Variants in C1QTNF3 observed in about 807,000 individuals in gnomAD.
The protein encoded by C1QTNF3 is C1q and TNF related 3.
In C1QTNF3, 26 loss-of-function variants were observed where a neutral mutation model predicts 32.6. The ratio of observed to expected loss-of-function variants is 0.80; its 90% confidence interval spans 0.58 to 1.11. The LOEUF (loss-of-function observed/expected upper bound fraction) is 1.11, where lower values mean the gene tolerates loss of function less well. Among genes scored for constraint, C1QTNF3 ranks in the 50% least tolerant of loss-of-function variants. The probability of loss-of-function intolerance (pLI) is 0.00; values close to 1 mark genes in which losing one functional copy is unlikely to be tolerated. For synonymous variants in C1QTNF3, 155 were observed against 146.0 expected, an observed-to-expected ratio of 1.06 and a Z score of -0.44; for missense variants, 362 against 398.2, an observed-to-expected ratio of 0.91 and a Z score of 0.77.
the C1QTNF3 span, among the ~76,000 whole-genome samples, chr5:34,240,560 G>C: frequency 6.6e-6 from 1 of 151,324 alleles, no homozygotes; most frequent in Non-Finnish European, 1.5e-5. Context: ...AATCTTCCAA[G>C]ATTGAATCAG....
chr5:34,075,916 C>G, the C1QTNF3 span, among the ~76,000 whole-genome samples: 1 of 150,052 alleles, frequency 6.7e-6, no homozygotes, highest in East Asian at 1.9e-4. Context: ...TACACACACA[C>G]ACGGTGGAAT....
chr5:34,155,467 A>G, the C1QTNF3 span, among the ~76,000 whole-genome samples: 1 of 152,220 alleles, frequency 6.6e-6, no homozygotes, highest in African/African-American at 2.4e-5. Flanking sequence ...GCAGTATTTA[A>G]TTTTAACTAC....
At chr5:34,055,446 C>T in the C1QTNF3 span, among the ~76,000 whole-genome samples, 1 of 152,200 alleles carries the variant, frequency 6.6e-6, no homozygotes, top group Non-Finnish European at 1.5e-5. Context: ...AACAGCCAAT[C>T]AGCACAGATG....
the C1QTNF3 span, among the ~76,000 whole-genome samples, chr5:34,209,778 C>T: frequency 3.9e-5 from 6 of 151,986 alleles, no homozygotes; most frequent in Non-Finnish European, 5.9e-5. Context: ...ATATGTAATA[C>T]AAGAAATATG....
At chr5:34,093,712 C>G in the C1QTNF3 span, among the ~76,000 whole-genome samples, 6 of 150,510 alleles carry the variant, frequency 4.0e-5, no homozygotes, top group Non-Finnish European at 8.9e-5. Flanking sequence ...TATACCTACC[C>G]TAGCCTAATT....
chr5:34,047,625 C>T (rs1755009512), upstream of C1QTNF3, among the ~76,000 whole-genome samples: 3 of 152,222 alleles, frequency 2.0e-5, no homozygotes, highest in South Asian at 6.2e-4. Flanking sequence ...GTGAAAAATA[C>T]TCCCCGTACT....
At chr5:34,102,427 A>G in the C1QTNF3 span, among the ~76,000 whole-genome samples, 1 of 152,114 alleles carries the variant, frequency 6.6e-6, no homozygotes, top group Non-Finnish European at 1.5e-5. Context: ...TAGCAAAAAA[A>G]TAGTATTTCA....
the C1QTNF3 span, among the ~76,000 whole-genome samples, chr5:34,216,900 C>CA: frequency 6.6e-6 from 1 of 151,954 alleles, no homozygotes; most frequent in Non-Finnish European, 1.5e-5. Flanking sequence ...AATAAATTGA[C>CA]AAAAACATTG....
chr5:34,164,847 A>C, the C1QTNF3 span: 2 of 149,816 alleles, frequency 1.3e-5, no homozygotes, highest in Non-Finnish European at 3.0e-5. Flanking sequence ...CACACACGAA[A>C]AGCCTGTAAC....
At chr5:34,164,160 T>C in the C1QTNF3 span, among the ~76,000 whole-genome samples, 9 of 152,180 alleles carry the variant, frequency 5.9e-5, no homozygotes, top group Admixed American at 3.3e-4. Flanking sequence ...CCTTAGTGAG[T>C]TGGCAGGTGG....
At chr5:34,139,800 T>C in the C1QTNF3 span, among the ~76,000 whole-genome samples, 87 of 152,330 alleles carry the variant, frequency 5.7e-4, no homozygotes, top group East Asian at 5.4e-3. Context: ...CAGTGATGTA[T>C]TGGAGTCTGT....
chr5:34,130,152 T>C, the C1QTNF3 span, among the ~76,000 whole-genome samples: 9 of 149,112 alleles, frequency 6.0e-5, no homozygotes, highest in Non-Finnish European at 1.0e-4. Flanking sequence ...CACACACACA[T>C]ACATACATAT....
chr5:34,029,504 G>A (rs2112107112), intron 3 of C1QTNF3, among the ~76,000 whole-genome samples: 1 of 152,208 alleles, frequency 6.6e-6, no homozygotes, highest in African/African-American at 2.4e-5. Context: ...TGATCTAAAT[G>A]TGCATCTGTA....
the C1QTNF3 span, among the ~76,000 whole-genome samples, chr5:34,221,515 GCTGT>G: frequency 6.6e-6 from 1 of 152,002 alleles, no homozygotes; most frequent in Non-Finnish European, 1.5e-5. Flanking sequence ...TGATTTATTA[GCTGT>G]CTGCCAGTCT....
chr5:34,048,448 A>G, the C1QTNF3 span, among the ~76,000 whole-genome samples: 1 of 152,184 alleles, frequency 6.6e-6, no homozygotes, highest in African/African-American at 2.4e-5. Flanking sequence ...TACACAACAC[A>G]GGGAAGTAAC....
chr5:34,224,798 A>C, the C1QTNF3 span, among the ~76,000 whole-genome samples: 2 of 152,196 alleles, frequency 1.3e-5, no homozygotes, highest in African/African-American at 4.8e-5. Context: ...CAAAATTGAC[A>C]AATGGGATCT....
At chr5:34,172,263 AAC>A in the C1QTNF3 span, among the ~76,000 whole-genome samples, 1 of 152,018 alleles carries the variant, frequency 6.6e-6, no homozygotes, top group African/African-American at 2.4e-5. Flanking sequence ...GTAAGAAACT[AAC>A]AACAATAAAA....
the C1QTNF3 span, among the ~76,000 whole-genome samples, chr5:34,122,834 GC>G: frequency 6.7e-6 from 1 of 150,000 alleles, no homozygotes; most frequent in Non-Finnish European, 1.5e-5. Flanking sequence ...ATTGTAAAAG[GC>G]AATGGAAGAA....
the C1QTNF3 span, among the ~76,000 whole-genome samples, chr5:34,122,355 G>C: frequency 5.8e-4 from 89 of 152,290 alleles, no homozygotes; most frequent in Non-Finnish European, 1.2e-3. Context: ...CTTGGTAAAG[G>C]TCACACTGAT....
Sources: allele counts gnomAD v4.1 joint callset (sites outside exome capture counted in the v4.1 genomes callset), GRCh38; gene constraint gnomAD v4.1.1; transcripts MANE v1.5; gene names NCBI Gene and HGNC (gene_info 2026-07-23, HGNC 2026-07-21).